The following LIMS2 variants were observed in gnomAD, a reference collection of about 807,000 sequenced individuals.
LIMS2 encodes the protein LIM zinc finger domain containing 2, also known as LIM and senescent cell antigen-like-containing domain protein 2.
Under a neutral mutation model 45.3 loss-of-function variants are expected in LIMS2, and 30 were observed. That is an observed-to-expected ratio of 0.66 (90% CI 0.50 to 0.90). The LOEUF (loss-of-function observed/expected upper bound fraction) is 0.90, where lower values mean the gene tolerates loss of function less well. Ranked by LOEUF, LIMS2 falls within the 40% of genes least tolerant of loss-of-function variation. LIMS2 has a pLI of 0.00. For synonymous variants in LIMS2, 173 were observed against 188.0 expected (o/e 0.92, Z 0.65); for missense variants, 485 against 468.7 (o/e 1.03, Z -0.32).
chr2:127,670,478 G>C (rs1685225928), intron 1 of LIMS2, among the ~76,000 whole-genome samples: 1 of 152,178 alleles, frequency 6.6e-6, no homozygotes, highest in Non-Finnish European at 1.5e-5. Flanking sequence ...CTGGGAGGAG[G>C]GGGAAATGAG....
At chr2:127,659,624 A>C (rs1405589708) in intron 1 of LIMS2, among the ~76,000 whole-genome samples, 1 of 152,212 alleles carries the variant, frequency 6.6e-6, no homozygotes, top group East Asian at 1.9e-4. Flanking sequence ...AGACCTTGGG[A>C]GTCTTAGAGA....
At chr2:127,655,116 G>C in intron 2 of LIMS2, 1 of 612,568 alleles carries the variant, frequency 1.6e-6, no homozygotes, top group Non-Finnish European at 3.0e-6. Context: ...GGAAGCTGGA[G>C]AGGTCCGTGA....
upstream of LIMS2, among the ~76,000 whole-genome samples, chr2:127,676,827 C>T (rs1339096839): frequency 2.0e-5 from 3 of 152,190 alleles, no homozygotes; most frequent in South Asian, 2.1e-4. Context: ...TGGGGCCGTG[C>T]ACCAGAAATC....
chr2:127,674,628 G>C, intron 1 of LIMS2: 3 of 985,286 alleles, frequency 3.0e-6, no homozygotes, highest in South Asian at 4.7e-5. Flanking sequence ...CACCGGGATC[G>C]GGGATCGCAC....
At position 127,647,652 on chromosome 2, in the gene LIMS2, C is replaced by A. The variant is rs1055304194; in HGVS notation, c.360-4580G>T. 6.6e-6 allele frequency among the ~76,000 whole-genome samples: 1 copy of A among 152,076 alleles called. No individual in the cohort carries two copies. Among genetic ancestry groups the A allele is most frequent in the Admixed American group, 6.5e-5 (1 of 15,286 alleles). ...AACAAGGGCCCCTCACTCACTGGGC[C>A]CCCTCTCCTCTTCCAGTCTCCAGGG... On this transcript the variant is annotated intron_variant, in intron 4 of 9. Coordinates refer to ENST00000355119, the MANE Select transcript of LIMS2 (RefSeq NM_001161403.3). This position sits in a 1 kb window ranked among gnomAD's most constrained non-coding sequence, Gnocchi z 4.3.
At chr2:127,681,773 G>A in exon 1 of LIMS2, 1 of 152,070 alleles carries the variant, frequency 6.6e-6, no homozygotes, top group Admixed American at 6.6e-5. Flanking sequence ...AGTATCCACG[G>A]ACAGACTGCA....
At position 127,640,145 on chromosome 2, in the gene LIMS2, A is replaced by T; in HGVS notation, c.803T>A (p.Val268Glu). The T allele has an allele frequency of 6.2e-7, 1 of 1,613,158 alleles. No homozygotes were observed. The highest frequency in any genetic ancestry group is 8.5e-7 in the Non-Finnish European group (1 of 1,179,950). Reference protein sequence around the residue: ...YNCSHVIEGDVVSALNKAWCV... With the variant: ...YNCSHVIEGDEVSALNKAWCV... ...CCAGGCCTTGTTGAGGGCCGACACC[A>T]CTGTGAGGGAAGCGTGGGACTCAGC... The change falls in exon 9 of 10, where the codon GTG (valine) becomes GAG (glutamate). Residue 268 changes from valine (V) to glutamate (E), a missense_variant and splice_region_variant. Coordinates refer to ENST00000355119, the MANE Select transcript of LIMS2 (RefSeq NM_001161403.3).
chr2:127,641,185 G>A (rs2105195137), intron 6 of LIMS2, 197 bp from the exon 7 acceptor site: 1 of 568,514 alleles, frequency 1.8e-6, no homozygotes, highest in East Asian at 2.9e-5. Flanking sequence ...TTCACACTGG[G>A]CAGAGGGGAC....
At position 127,642,804 on chromosome 2, in the gene LIMS2, G is replaced by T; in HGVS notation, c.509+119C>A. ...CCTTGCTCTCGGGACCCCTCTGTCTGCCCACCCTGCTCCCCTCTCCCTCCT... is the reference window on the plus strand; with the variant it reads ...CCTTGCTCTCGGGACCCCTCTGTCTTCCCACCCTGCTCCCCTCTCCCTCCT... On this transcript the variant is annotated intron_variant, in intron 5 of 9. Transcript: ENST00000355119. This position sits in a 1 kb window ranked among gnomAD's most constrained non-coding sequence, Gnocchi z 5.3. 1 of 1,170,784 alleles carries T rather than the reference G, an allele frequency of 8.5e-7. No individual in the cohort carries two copies. Among genetic ancestry groups the T allele is most frequent in the Non-Finnish European group, 1.2e-6 (1 of 843,974 alleles). 72.5% of individuals were successfully genotyped at this position (1,170,784 alleles called of 1,614,324 possible).
At chr2:127,662,651 G>T (rs970070688) in intron 1 of LIMS2, among the ~76,000 whole-genome samples, 1 of 127,830 alleles carries the variant, frequency 7.8e-6, no homozygotes, top group African/African-American at 2.9e-5. Context: ...TGGGGGGTGG[G>T]GGGTGGGGGG....
Position 127,642,740 on chromosome 2 carries a change from T to C in LIMS2, c.509+183A>G. 2 of 654,240 alleles carry C rather than the reference T, an allele frequency of 3.1e-6. No homozygotes were observed. Among genetic ancestry groups the C allele is most frequent in the South Asian group, 2.0e-5 (1 of 50,940 alleles). The allele number at this position is 654,240 out of a possible 1,614,324, so 40.5% of individuals were successfully genotyped here. On this transcript the variant is annotated intron_variant, in intron 5 of 9. Transcript: ENST00000355119. The surrounding 1 kb of genome is among the most constrained non-coding windows in gnomAD (Gnocchi z 5.3). ...CCCTGGAGAGAGAAGCTTCCTGCCA[T>C]GGCTGCTTCCCAGCCCCCAGCCCAC... is the stretch of plus-strand genomic sequence containing the variant.
intron 1 of LIMS2, chr2:127,674,507 TG>T: frequency 1.9e-6 from 1 of 532,036 alleles, no homozygotes; most frequent in Non-Finnish European, 2.4e-6. Context: ...CCTGCACAGC[TG>T]GTGCTTGGGC....
intron 1 of LIMS2, among the ~76,000 whole-genome samples, chr2:127,680,898 C>T (rs1033851986): frequency 6.6e-6 from 1 of 152,192 alleles, no homozygotes; most frequent in Non-Finnish European, 1.5e-5. Context: ...ATCATGCCGT[C>T]GAGTATCCAG....
rs1684858225 is a variant in LIMS2 at position 127,664,189 on chromosome 2, CGGG to C, written c.12-6630_12-6628del. 1.2e-6 allele frequency: 1 copy of C among 835,376 alleles called. No individual in the cohort carries two copies. Among genetic ancestry groups the C allele is most frequent in the African/African-American group, 1.8e-5 (1 of 54,876 alleles). 51.7% of individuals were successfully genotyped at this position (835,376 alleles called of 1,614,324 possible). ...CGCCAACCCAGGGCCCATCCGACGC[CGGG>C]GCAGAGCCCACGGCGTCGGAGGGCC... On this transcript the variant is annotated intron_variant, in intron 1 of 9. Transcript: ENST00000355119. The surrounding 1 kb of genome is among the most constrained non-coding windows in gnomAD (Gnocchi z 5.5).
intron 1 of LIMS2, among the ~76,000 whole-genome samples, chr2:127,665,651 A>T (rs1396509517): frequency 6.6e-6 from 1 of 152,244 alleles, no homozygotes; most frequent in Non-Finnish European, 1.5e-5. Context: ...TGACTCTCTG[A>T]TGTAGGTAGC....
intron 1 of LIMS2, among the ~76,000 whole-genome samples, chr2:127,662,291 C>T (rs1214597589): frequency 1.3e-5 from 2 of 152,108 alleles, no homozygotes; most frequent in East Asian, 1.9e-4. Flanking sequence ...ATGCTTCTGT[C>T]CTCCTTCCAA....
intron 1 of LIMS2, among the ~76,000 whole-genome samples, chr2:127,680,573 C>T (rs1308476524): frequency 2.6e-5 from 4 of 152,230 alleles, no homozygotes. Flanking sequence ...CACACGGCAG[C>T]TCAGTGAGAG....
rs1682130809 is a variant in LIMS2 at position 127,639,173 on chromosome 2, G to A, written c.*108C>T. 5.2e-6 allele frequency: 6 copies of A among 1,152,432 alleles called. No homozygotes were observed. Among genetic ancestry groups the A allele is most frequent in the Non-Finnish European group, 6.2e-6 (5 of 803,258 alleles). 71.4% of individuals were successfully genotyped at this position (1,152,432 alleles called of 1,614,324 possible). On this transcript the variant is annotated 3_prime_UTR_variant, in exon 10 of 10. Transcript: ENST00000355119. ...GAGAAGGCAATGAGGAAAGAGAAAG[G>A]GAGGGTAAGATGCGGAGGGCACAGG...
intron 2 of LIMS2, among the ~76,000 whole-genome samples, chr2:127,656,381 C>G (rs886651160): frequency 1.8e-4 from 27 of 151,578 alleles, no homozygotes; most frequent in African/African-American, 6.3e-4. Context: ...CTCTCCTCAG[C>G]ACAGCGGCCA....
Sources: allele counts gnomAD v4.1 joint callset (sites outside exome capture counted in the v4.1 genomes callset), GRCh38; gene constraint gnomAD v4.1.1; non-coding constraint Gnocchi (gnomAD v3.1); transcripts MANE v1.5; gene names NCBI Gene and HGNC (gene_info 2026-07-23, HGNC 2026-07-21).